The following PTPRD variants were observed in gnomAD, a reference collection of about 807,000 sequenced individuals.
The protein encoded by PTPRD is receptor-type tyrosine-protein phosphatase delta.
PTPRD carries 34 observed loss-of-function variants against 214.5 expected under a neutral mutation model. The ratio of observed to expected loss-of-function variants is 0.16; its 90% CI spans 0.12 to 0.21. The LOEUF is 0.21. Among genes scored for constraint, PTPRD ranks in the 10% least tolerant of loss-of-function variants. The pLI, the probability that PTPRD is intolerant of heterozygous loss-of-function variation, is 1.00. For synonymous variants in PTPRD, 1,128 were observed against 845.7 expected (o/e 1.33, Z -5.79); for missense variants, 2,545 against 2,398.7 (o/e 1.06, Z -1.27).
At chr9:9,616,887 T>A (rs1249987951) in intron 7 of PTPRD, among the ~76,000 whole-genome samples, 4 of 152,210 alleles carry the variant, frequency 2.6e-5, no homozygotes, top group Admixed American at 6.5e-5. Flanking sequence ...CTGTTTGTTA[T>A]GATTTCCATT....
chr9:10,484,182 A>G (rs1054921731), intron 2 of PTPRD, among the ~76,000 whole-genome samples: 1 of 152,108 alleles, frequency 6.6e-6, no homozygotes, highest in South Asian at 2.1e-4. Context: ...ATCTAAGAGA[A>G]GTAACTCAGA....
chr9:9,851,081 G>C (rs1280770516), intron 5 of PTPRD, among the ~76,000 whole-genome samples: 3 of 152,126 alleles, frequency 2.0e-5, no homozygotes, highest in Non-Finnish European at 2.9e-5. Context: ...ATACCTAAAA[G>C]TTATAAGCTT....
chr9:10,507,371 G>T (rs1352874335), intron 2 of PTPRD, among the ~76,000 whole-genome samples: 2 of 152,066 alleles, frequency 1.3e-5, no homozygotes, highest in African/African-American at 4.8e-5. Flanking sequence ...TGGCCATATT[G>T]CCCAAGGTAA....
chr9:8,424,443 C>G (rs910412975), intron 35 of PTPRD, among the ~76,000 whole-genome samples: 2 of 152,050 alleles, frequency 1.3e-5, no homozygotes, highest in Non-Finnish European at 2.9e-5. Flanking sequence ...CATGGGGAGA[C>G]TAACAGTACC....
chr9:10,598,674 A>G (rs10959190), intron 2 of PTPRD, among the ~76,000 whole-genome samples: 36,679 of 142,126 alleles, frequency 0.26, 5,073 homozygotes, highest in Admixed American at 0.31. Context: ...TTATATATGT[A>G]TGTGTGTGTG....
chr9:9,731,263 A>G (rs2098186221), intron 7 of PTPRD, among the ~76,000 whole-genome samples: 1 of 152,086 alleles, frequency 6.6e-6, no homozygotes, highest in South Asian at 2.1e-4. Context: ...TTTGCATATT[A>G]TCATTTGTAT....
intron 6 of PTPRD, among the ~76,000 whole-genome samples, chr9:9,736,247 C>T (rs1468751340): frequency 1.3e-5 from 2 of 152,042 alleles, no homozygotes; most frequent in African/African-American, 4.8e-5. Context: ...GCCTATGGTT[C>T]TAACTTAAGT....
chr9:8,462,641 T>C (rs1417559734), intron 32 of PTPRD, among the ~76,000 whole-genome samples: 1 of 151,946 alleles, frequency 6.6e-6, no homozygotes, highest in East Asian at 1.9e-4. Context: ...CCACAACATT[T>C]AGCTCCTGAA....
intron 9 of PTPRD, among the ~76,000 whole-genome samples, chr9:9,366,029 C>G (rs1412725908): frequency 1.3e-5 from 2 of 151,138 alleles, no homozygotes; most frequent in African/African-American, 4.8e-5. Flanking sequence ...AAAATTCTGC[C>G]ATTGAAGTTA....
At chr9:9,310,882 C>T (rs1958757570) in intron 9 of PTPRD, among the ~76,000 whole-genome samples, 1 of 151,414 alleles carries the variant, frequency 6.6e-6, no homozygotes. Flanking sequence ...CGCGCCATTG[C>T]ACTCCAGCCT....
rs1592716863 is a variant in PTPRD, at chr9:8,523,648, T to A, written c.680-124A>T. 17 of 975,786 alleles carry A rather than the reference T, an allele frequency of 1.7e-5. No individual in the cohort carries two copies. In the East Asian group the frequency reaches 4.4e-4, roughly 25 times the overall value. The allele number at this position is 975,786 out of a possible 1,614,324, so 60.4% of individuals were successfully genotyped here. A position where few individuals can be genotyped will look rare whatever the true frequency, so the allele number is the denominator to read the frequency against. ...TCAACTGCTACTTGAACATCTTTAT[T>A]CGCTCTAGTTCATCCTTCCTATCTC... On this transcript the variant is annotated intron_variant, in intron 18 of 45. Coordinates refer to ENST00000381196, the MANE Select transcript of PTPRD (RefSeq NM_002839.4).
At chr9:9,694,847 A>T (rs2097341376) in intron 7 of PTPRD, among the ~76,000 whole-genome samples, 1 of 151,850 alleles carries the variant, frequency 6.6e-6, no homozygotes, top group Non-Finnish European at 1.5e-5. Flanking sequence ...CCTAGGACTC[A>T]CTCTTCAGGC....
At chr9:10,382,197 G>C (rs548523310) in intron 2 of PTPRD, among the ~76,000 whole-genome samples, 89 of 152,000 alleles carry the variant, frequency 5.9e-4, no homozygotes, top group Non-Finnish European at 1.0e-3. Context: ...AGCTGACTCT[G>C]TCATTTAATT....
At chr9:9,764,771 T>G (rs1047485084) in intron 6 of PTPRD, among the ~76,000 whole-genome samples, 1 of 152,116 alleles carries the variant, frequency 6.6e-6, no homozygotes, top group African/African-American at 2.4e-5. Context: ...AGTGACAGAC[T>G]CATACTTCAA....
intron 44 of PTPRD, among the ~76,000 whole-genome samples, chr9:8,330,933 TAGA>T (rs773330950): frequency 1.4e-4 from 22 of 152,258 alleles, no homozygotes; most frequent in East Asian, 5.8e-4. Flanking sequence ...TTGCTTTTGT[TAGA>T]AGGTTTTTGC....
chr9:10,527,548 C>A (rs1163670395), intron 2 of PTPRD, among the ~76,000 whole-genome samples: 1 of 152,102 alleles, frequency 6.6e-6, no homozygotes, highest in Non-Finnish European at 1.5e-5. Flanking sequence ...TAAAAAGCAA[C>A]AAGGTTAATA....
chr9:8,857,057 C>T (rs2097930134), intron 11 of PTPRD, among the ~76,000 whole-genome samples: 1 of 152,108 alleles, frequency 6.6e-6, no homozygotes, highest in Non-Finnish European at 1.5e-5. Context: ...TTAAGTACAC[C>T]AGATTCCCGC....
chr9:10,491,424 G>A (rs540416946), intron 2 of PTPRD, among the ~76,000 whole-genome samples: 1 of 151,972 alleles, frequency 6.6e-6, no homozygotes, highest in Non-Finnish European at 1.5e-5. Context: ...GTATTTTATA[G>A]TCTACTTGTA....
At chr9:8,820,977 G>A (rs893226544) in intron 11 of PTPRD, among the ~76,000 whole-genome samples, 2 of 152,142 alleles carry the variant, frequency 1.3e-5, no homozygotes, top group African/African-American at 2.4e-5. Flanking sequence ...AAATTAGAGT[G>A]CCCAGTTCAG....
Sources: gnomAD v4.1 joint callset for allele counts (sites outside exome capture counted in the v4.1 genomes callset) on GRCh38, gnomAD v4.1.1 for gene constraint, MANE v1.5 for transcripts, NCBI Gene and HGNC (gene_info 2026-07-23, HGNC 2026-07-21) for gene names.